Variants in TMEM132D observed in about 807,000 individuals in gnomAD.
TMEM132D encodes mature OL transmembrane protein.
In TMEM132D, 21 loss-of-function variants were observed where a neutral mutation model predicts 62.3. The observed-to-expected ratio is 0.34, with a 90% CI of 0.24 to 0.49. TMEM132D has a LOEUF of 0.49. Among genes scored for constraint, TMEM132D ranks in the 20% least tolerant of loss-of-function variants. The pLI, the probability that TMEM132D is intolerant of heterozygous loss-of-function variation, is 0.99. For synonymous variants in TMEM132D, 621 were observed against 575.6 expected, an observed-to-expected ratio of 1.08 and a Z score of -1.13; for missense variants, 1,346 against 1,402.8, an observed-to-expected ratio of 0.96 and a Z score of 0.65.
intron 2 of TMEM132D, among the ~76,000 whole-genome samples, chr12:129,667,369 T>G (rs1485338218): frequency 6.6e-6 from 1 of 152,188 alleles, no homozygotes; most frequent in Non-Finnish European, 1.5e-5. Context: ...TTTTGTTTTC[T>G]CCTTTGGTTA....
intron 4 of TMEM132D, among the ~76,000 whole-genome samples, chr12:129,294,376 G>T (rs1290451481): frequency 6.6e-6 from 1 of 152,162 alleles, no homozygotes; most frequent in Non-Finnish European, 1.5e-5. Context: ...ATCTGTCTTG[G>T]TGATTGGGGC....
chr12:129,452,840 T>C (rs1873338679), intron 3 of TMEM132D, among the ~76,000 whole-genome samples: 2 of 152,336 alleles, frequency 1.3e-5, no homozygotes, highest in African/African-American at 2.4e-5. Flanking sequence ...AGGTATAACA[T>C]ATAGTTTCTT....
chr12:129,271,870 T>C (rs758161713), intron 4 of TMEM132D, among the ~76,000 whole-genome samples: 9 of 151,950 alleles, frequency 5.9e-5, no homozygotes, highest in African/African-American at 1.9e-4. Flanking sequence ...GCAATAAACA[T>C]ACATGTGCAT....
intron 3 of TMEM132D, among the ~76,000 whole-genome samples, chr12:129,378,568 A>C (rs865827090): frequency 1.3e-5 from 2 of 152,332 alleles, no homozygotes; most frequent in Middle Eastern, 6.8e-3. Flanking sequence ...AAATTAAATA[A>C]TGGGGTCTCT....
Position 129,549,618 on chromosome 12 carries a change from T to A in TMEM132D, c.969-18413A>T, listed in dbSNP as rs1278945180. 2.6e-5 allele frequency among the ~76,000 whole-genome samples: 4 copies of A among 152,210 alleles called. No homozygotes were observed. In the East Asian group the frequency reaches 7.7e-4, roughly 29 times the overall value. ...ACTGTGAGTCCATTAAACCTCTTTT[T>A]CTTTATAAATTACCCAGTCGCAGGT... On this transcript the variant is annotated intron_variant, in intron 2 of 8. Coordinates refer to ENST00000422113, the MANE Select transcript of TMEM132D (RefSeq NM_133448.3).
intron 1 of TMEM132D, among the ~76,000 whole-genome samples, chr12:129,706,587 T>C (rs1035954651): frequency 2.6e-5 from 4 of 151,918 alleles, no homozygotes; most frequent in African/African-American, 9.7e-5. Flanking sequence ...TTATGAAGTA[T>C]AGAAAAGTAA....
rs564261544 is a variant in TMEM132D, at chr12:129,685,777, A to G, written c.968+14033T>C. Among the ~76,000 whole-genome samples the G allele has an allele frequency of 6.6e-5, 10 of 152,318 alleles. No homozygotes were observed. The East Asian group carries it at 1.9e-3, about 29-fold the overall frequency. ...AGCTGGAAAGGAGGGTGTACCCTGC[A>G]AAGCCACAGGAACGGACCTACCCAA... On this transcript the variant is annotated intron_variant, in intron 2 of 8. Transcript: ENST00000422113.
At chr12:129,752,150 C>T (rs1033738063) in intron 1 of TMEM132D, among the ~76,000 whole-genome samples, 1 of 152,044 alleles carries the variant, frequency 6.6e-6, no homozygotes, top group Non-Finnish European at 1.5e-5. Flanking sequence ...ATCTATATAA[C>T]TTCAATATTT....
At chr12:129,082,169 T>A in intron 6 of TMEM132D, 137 bp from the exon 7 acceptor site, 1 of 1,085,932 alleles carries the variant, frequency 9.2e-7, no homozygotes, top group Non-Finnish European at 1.3e-6. Flanking sequence ...CATGCAGAGG[T>A]GAACTTCAGA....
In TMEM132D at chr12:129,517,828, A is replaced by T. The variant is rs550665801; in HGVS notation, c.1115+13231T>A. On this transcript the variant is annotated intron_variant, in intron 3 of 8. Transcript: ENST00000422113. ...ATGGTTGAATAAGGAACAAGGAGAA[A>T]TTATGCTTGGCTTCTTTCTGATGAT... Among the ~76,000 whole-genome samples, 3 of 152,288 alleles carry T rather than the reference A, an allele frequency of 2.0e-5. No homozygotes were observed. In the South Asian group the frequency reaches 6.2e-4, roughly 32 times the overall value.
chr12:129,274,061 G>T (rs1163141519), intron 4 of TMEM132D, among the ~76,000 whole-genome samples: 1 of 151,696 alleles, frequency 6.6e-6, no homozygotes, highest in South Asian at 2.1e-4. Flanking sequence ...TCTTGGATGT[G>T]AGTTTCCTAG....
At chr12:129,648,545 C>T (rs1205130345) in intron 2 of TMEM132D, among the ~76,000 whole-genome samples, 1 of 152,184 alleles carries the variant, frequency 6.6e-6, no homozygotes, top group Admixed American at 6.5e-5. Flanking sequence ...GCCCATTGGG[C>T]AGTTACAGTT....
chr12:129,698,844 A>G (rs1397799691), intron 2 of TMEM132D, among the ~76,000 whole-genome samples: 1 of 152,034 alleles, frequency 6.6e-6, no homozygotes, highest in African/African-American at 2.4e-5. Flanking sequence ...TAGAAAAAGC[A>G]GCCATAAATC....
rs145019761 is a variant in TMEM132D, at chr12:129,658,495, C to T, written c.968+41315G>A. On this transcript the variant is annotated intron_variant, in intron 2 of 8. Coordinates refer to ENST00000422113, the MANE Select transcript of TMEM132D (RefSeq NM_133448.3). Reference sequence around the variant, plus strand: ...AGCATTTACAGACTAGATTAGCAAACACCAAATGGTAGATTAAAGATGGCT... The same window carrying T: ...AGCATTTACAGACTAGATTAGCAAATACCAAATGGTAGATTAAAGATGGCT... 2.4e-3 allele frequency among the ~76,000 whole-genome samples: 362 copies of T among 152,226 alleles called. 3 individuals are homozygous for T. The highest frequency in any genetic ancestry group is 8.3e-3 in the African/African-American group (343 of 41,542).
chr12:129,129,402 C>A (rs964292589), intron 5 of TMEM132D, among the ~76,000 whole-genome samples: 1 of 152,078 alleles, frequency 6.6e-6, no homozygotes, highest in Non-Finnish European at 1.5e-5. Context: ...TTGATGGGCA[C>A]GTTGGTTGAT....
intron 5 of TMEM132D, among the ~76,000 whole-genome samples, chr12:129,179,621 GACTTTTCT>G (rs1233442264): frequency 3.3e-5 from 5 of 152,134 alleles, no homozygotes. Context: ...AAAATTCACG[GACTTTTCT>G]ACTTTTCAGT....
At chr12:129,356,147 A>ATT (rs35842499) in intron 3 of TMEM132D, among the ~76,000 whole-genome samples, 20,061 of 36,062 alleles carry the variant, frequency 0.56, 7,640 homozygotes, top group Non-Finnish European at 0.68. Flanking sequence ...AACTGAAGGG[A>ATT]TTTTTTTTTT....
rs943078991 is a variant in TMEM132D at position 129,152,799 on chromosome 12, G to C, written c.1443+56721C>G. ...TTCCCCTGCTCCGCTCTGAATCCCA[G>C]GCTCTGCAAACCGTTTCCCGGGCTT... On this transcript the variant is annotated intron_variant, in intron 5 of 8. Coordinates refer to ENST00000422113, the MANE Select transcript of TMEM132D (RefSeq NM_133448.3). Among the ~76,000 whole-genome samples the C allele has an allele frequency of 2.0e-5, 3 of 152,176 alleles. 1 individual carries two copies. In the East Asian group the frequency reaches 5.8e-4, roughly 29 times the overall value.
At chr12:129,197,633 A>G (rs1359058092) in intron 5 of TMEM132D, among the ~76,000 whole-genome samples, 1 of 152,232 alleles carries the variant, frequency 6.6e-6, no homozygotes, top group African/African-American at 2.4e-5. Context: ...CACCACATCC[A>G]AAAATCAACT....
Sources: allele counts gnomAD v4.1 joint callset (sites outside exome capture counted in the v4.1 genomes callset), GRCh38; gene constraint gnomAD v4.1.1; transcripts MANE v1.5; gene names NCBI Gene and HGNC (gene_info 2026-07-23, HGNC 2026-07-21).